Variants in ARHGEF7 observed in about 807,000 individuals in gnomAD.
ARHGEF7 encodes Rho guanine nucleotide exchange factor 7.
A neutral mutation model predicts 109.8 loss-of-function variants in ARHGEF7; 33 were observed. The observed-to-expected ratio is 0.30, with a 90% CI of 0.23 to 0.40. The LOEUF is 0.40. ARHGEF7 is among the 10% of genes least tolerant of loss of function. The pLI is 1.00. For missense variants in ARHGEF7, 938 were observed against 1,098.5 expected (o/e 0.85, Z 2.07); for synonymous variants, 458 against 424.6 (o/e 1.08, Z -0.97).
At chr13:111,300,909 C>T in intron 20 of ARHGEF7, 62 bp downstream of exon 20, 1 of 1,055,914 alleles carries the variant, frequency 9.5e-7, no homozygotes, top group South Asian at 1.6e-5. Context: ...TAGTAGAGTC[C>T]AGACAACTCC....
In ARHGEF7 at chr13:111,221,368, T is replaced by G. The variant is rs1357789869; in HGVS notation, c.670+3488T>G. 5.5e-5 allele frequency among the ~76,000 whole-genome samples: 2 copies of G among 36,080 alleles called. 1 individual carries two copies. Among genetic ancestry groups the G allele is most frequent in the African/African-American group, 1.7e-4 (2 of 11,636 alleles). The allele number at this position is 36,080 out of a possible 152,430, so 23.7% of individuals were successfully genotyped here. ...ATATATATGTCTATATATATATCTA[T>G]ATATATATCTATATATATAGATGTC... On this transcript the variant is annotated intron_variant, in intron 5 of 21. Transcript: ENST00000646102.
intron 1 of ARHGEF7, among the ~76,000 whole-genome samples, chr13:111,144,977 AT>A (rs2075517596): frequency 6.6e-6 from 1 of 151,948 alleles, no homozygotes; most frequent in Admixed American, 6.5e-5. Flanking sequence ...TAAGTGGCAT[AT>A]GCTTGCAGAG....
At chr13:111,120,786 C>A (rs831149) in intron 1 of ARHGEF7, among the ~76,000 whole-genome samples, 1 of 152,148 alleles carries the variant, frequency 6.6e-6, no homozygotes, top group East Asian at 1.9e-4. Flanking sequence ...ATGCTCCTCT[C>A]GTTTGCAGGC....
chr13:111,181,732 G>A (rs760168634), intron 2 of ARHGEF7, among the ~76,000 whole-genome samples: 22 of 152,212 alleles, frequency 1.4e-4, no homozygotes, highest in Non-Finnish European at 3.1e-4. Flanking sequence ...CTGAATAGGG[G>A]GCAGCAGCTG....
chr13:111,153,746 G>A, intron 1 of ARHGEF7, 159 bp from the exon 2 acceptor site: 2 of 1,343,204 alleles, frequency 1.5e-6, no homozygotes, highest in African/African-American at 3.1e-5. Context: ...CGGCTGAGCG[G>A]GTTGGCATCT....
intron 2 of ARHGEF7, among the ~76,000 whole-genome samples, chr13:111,181,452 G>A (rs1233917364): frequency 6.6e-6 from 1 of 152,170 alleles, no homozygotes; most frequent in Non-Finnish European, 1.5e-5. Context: ...AAAGAGATGG[G>A]ACAAAGTCAT....
At chr13:111,134,118 G>C (rs951765094) in intron 1 of ARHGEF7, among the ~76,000 whole-genome samples, 32 of 152,050 alleles carry the variant, frequency 2.1e-4, no homozygotes. Flanking sequence ...CAAAGGACAT[G>C]AACTCATCCT....
chr13:111,249,411 A>G (rs1374590323), intron 8 of ARHGEF7, among the ~76,000 whole-genome samples: 1 of 151,834 alleles, frequency 6.6e-6, no homozygotes, highest in African/African-American at 2.4e-5. Flanking sequence ...CAAAGCTTTG[A>G]GAAGTTCAGT....
At chr13:111,251,223 C>T (rs968850736) in intron 8 of ARHGEF7, among the ~76,000 whole-genome samples, 4 of 152,172 alleles carry the variant, frequency 2.6e-5, no homozygotes, top group African/African-American at 4.8e-5. Context: ...TTCTGTCACT[C>T]AGAAAATTCC....
At position 111,230,824 on chromosome 13, in the gene ARHGEF7, G is replaced by A. The variant is rs574281135; in HGVS notation, c.671-2381G>A. Among the ~76,000 whole-genome samples, 15 of 152,324 alleles carry A rather than the reference G, an allele frequency of 9.8e-5. No individual in the cohort carries two copies. The South Asian group carries it at 2.9e-3, about 29-fold the overall frequency. On this transcript the variant is annotated intron_variant, in intron 5 of 21. Transcript: ENST00000646102. ...AGAATTGGGAGCTCTTTTTTCCTAGGGGAGAAAAGGCAACCTGCCTGGACT... is the reference window on the plus strand; with the variant it reads ...AGAATTGGGAGCTCTTTTTTCCTAGAGGAGAAAAGGCAACCTGCCTGGACT...
chr13:111,187,204 G>A (rs1456285387), intron 2 of ARHGEF7, among the ~76,000 whole-genome samples: 1 of 152,184 alleles, frequency 6.6e-6, no homozygotes, highest in Non-Finnish European at 1.5e-5. Context: ...GTGTGGGTTT[G>A]CCAGAATGCT....
chr13:111,295,148 A>C, intron 19 of ARHGEF7: 2 of 985,530 alleles, frequency 2.0e-6, no homozygotes, highest in Non-Finnish European at 2.4e-6. Context: ...TTTTATATTA[A>C]AAAAAACCTG....
chr13:111,302,047 A>G (rs1049528361), intron 21 of ARHGEF7, among the ~76,000 whole-genome samples: 1 of 152,150 alleles, frequency 6.6e-6, no homozygotes, highest in Admixed American at 6.5e-5. Context: ...GTCATAAAAC[A>G]TCGCAAATTC....
At chr13:111,150,039 T>A (rs1378934587) in intron 1 of ARHGEF7, among the ~76,000 whole-genome samples, 1 of 152,236 alleles carries the variant, frequency 6.6e-6, no homozygotes, top group African/African-American at 2.4e-5. Flanking sequence ...AAGATGTCAG[T>A]AAGAGCAGCA....
chr13:111,237,496 G>T (rs1225307191), intron 6 of ARHGEF7, among the ~76,000 whole-genome samples: 1 of 152,186 alleles, frequency 6.6e-6, no homozygotes, highest in East Asian at 1.9e-4. Context: ...AAGTGATCAA[G>T]TTCTTTAATT....
At chr13:111,115,858 G>A (rs1861497176) in intron 1 of ARHGEF7, among the ~76,000 whole-genome samples, 167 bp downstream of exon 1, 1 of 150,592 alleles carries the variant, frequency 6.6e-6, no homozygotes, top group African/African-American at 2.4e-5. Context: ...GAGCTCGGGG[G>A]GCGCCATTGT....
intron 5 of ARHGEF7, among the ~76,000 whole-genome samples, chr13:111,221,404 T>G (rs1186184147): frequency 4.6e-5 from 1 of 21,596 alleles, no homozygotes; most frequent in Non-Finnish European, 8.8e-5. Context: ...TATATATCTA[T>G]ATATATAGAT....
At position 111,228,216 on chromosome 13, in the gene ARHGEF7, C is replaced by G. The variant is rs960745059; in HGVS notation, c.671-4989C>G. 6.6e-6 allele frequency among the ~76,000 whole-genome samples: 1 copy of G among 152,224 alleles called. No homozygotes were observed. The highest frequency in any genetic ancestry group is 2.4e-5 in the African/African-American group (1 of 41,472). Reference sequence around the variant, plus strand: ...ACAGCAGCCAGATGTGCTGCGCAGACTTCATTTGGTTCCTGATTCAAATAA... The same window carrying G: ...ACAGCAGCCAGATGTGCTGCGCAGAGTTCATTTGGTTCCTGATTCAAATAA... On this transcript the variant is annotated intron_variant, in intron 5 of 21. Coordinates refer to ENST00000646102, the MANE Select transcript of ARHGEF7 (RefSeq NM_001354046.2). This position sits in a 1 kb window ranked among gnomAD's most constrained non-coding sequence, Gnocchi z 4.6.
chr13:111,253,682 A>G (rs1408364252), intron 8 of ARHGEF7, among the ~76,000 whole-genome samples: 2 of 152,160 alleles, frequency 1.3e-5, no homozygotes, highest in Non-Finnish European at 2.9e-5. Context: ...CAAGCCTGGG[A>G]CTACCACACT....
Sources: gnomAD v4.1 joint callset for allele counts (sites outside exome capture counted in the v4.1 genomes callset) on GRCh38, gnomAD v4.1.1 for gene constraint, Gnocchi (gnomAD v3.1) non-coding constraint, MANE v1.5 for transcripts, NCBI Gene and HGNC (gene_info 2026-07-23, HGNC 2026-07-21) for gene names.